SEC14L6: variants seen among roughly 807,000 people sequenced by gnomAD.
SEC14L6 encodes the protein SEC14 like lipid binding 6.
A neutral mutation model predicts 54.1 loss-of-function variants in SEC14L6; 40 were observed. That is an observed-to-expected ratio of 0.74 (90% CI 0.57 to 0.96). The LOEUF (loss-of-function observed/expected upper bound fraction) is 0.96. Ranked by LOEUF, SEC14L6 falls within the 40% of genes least tolerant of loss-of-function variation. The probability of loss-of-function intolerance (pLI) is 0.00; values close to 1 mark genes in which losing one functional copy is unlikely to be tolerated. For missense variants in SEC14L6, 471 were observed against 498.3 expected, an observed-to-expected ratio of 0.95 and a Z score of 0.52; for synonymous variants, 171 against 198.4, an observed-to-expected ratio of 0.86 and a Z score of 1.16.
At chr22:30,544,115 C>G (rs2085772934) in intron 1 of SEC14L6, 2 of 1,348,554 alleles carry the variant, frequency 1.5e-6, no homozygotes, top group South Asian at 2.5e-5. Context: ...GCACCCATCT[C>G]CATGCTCTTC....
At position 30,542,584 on chromosome 22, in the gene SEC14L6, G is replaced by A. The variant is rs987841067; in HGVS notation, c.55-3682C>T. 3.1e-5 allele frequency: 46 copies of A among 1,473,034 alleles called. No individual in the cohort carries two copies. In the Middle Eastern group the frequency reaches 9.6e-4, roughly 31 times the overall value. The allele number at this position is 1,473,034 out of a possible 1,614,324, so 91.2% of individuals were successfully genotyped here. ...CGTAGCCGCGGCCCATGGAGCCCGC[G>A]GGCCGGTCCCCGGCCGCCTCGGGCC... On this transcript the variant is annotated intron_variant, in intron 1 of 11. Transcript: ENST00000402034.
rs1245011414 is a variant in SEC14L6, at chr22:30,525,686, T to G, written c.836A>C (p.Glu279Ala). ...GCCGCGGCCCACGGACCTCGTGTGC[T>G]CATACTGCAGCCTCACCTGCTTGCA... Reference protein sequence around the residue: ...YLCKQVRLQYEHTRSVGRGSS... With the variant: ...YLCKQVRLQYAHTRSVGRGSS... The change falls in exon 10 of 12, where the codon GAG becomes GCG. Residue 279 changes from glutamate (E) to alanine (A), a missense_variant. Coordinates refer to ENST00000402034, the MANE Select transcript of SEC14L6 (RefSeq NM_001193336.4). The G allele has an allele frequency of 6.2e-6, 10 of 1,613,438 alleles. No individual in the cohort carries two copies. In the Admixed American group the frequency reaches 1.7e-4, roughly 27 times the overall value.
Position 30,530,187 on chromosome 22 carries a change from G to C in SEC14L6, c.520-838C>G, listed in dbSNP as rs565317100. ...AGCACTTTGGGAGGCCAAAGTGGGA[G>C]GATCATGAGGTCACGAGTTCGAGAC... On this transcript the variant is annotated intron_variant, in intron 6 of 11. Transcript: ENST00000402034. Among the ~76,000 whole-genome samples the C allele has an allele frequency of 1.5e-4, 23 of 152,060 alleles. No individual in the cohort carries two copies. The East Asian group carries it at 2.5e-3, about 17-fold the overall frequency.
chr22:30,532,213 T>C (rs1046069926), intron 5 of SEC14L6: 4 of 985,328 alleles, frequency 4.1e-6, no homozygotes, highest in Non-Finnish European at 4.8e-6. Flanking sequence ...GCCAAATCGC[T>C]GTGTTGCAGT....
chr22:30,532,863 A>T lies in SEC14L6; in HGVS notation c.175-7T>A. The T allele has an allele frequency of 6.2e-7, 1 of 1,613,028 alleles. No homozygotes were observed. Among genetic ancestry groups the T allele is most frequent in the Non-Finnish European group, 8.5e-7 (1 of 1,179,596 alleles). ...GCTTCCGGAACTCCATATGCTGCAG[A>T]GACACGGCAGGAGGTGGTGAAGATT... On this transcript the variant is annotated splice_region_variant and splice_polypyrimidine_tract_variant and intron_variant, in intron 3 of 11. Coordinates refer to ENST00000402034, the MANE Select transcript of SEC14L6 (RefSeq NM_001193336.4).
intron 2 of SEC14L6, among the ~76,000 whole-genome samples, chr22:30,534,521 C>T (rs1035199118): frequency 4.6e-5 from 7 of 151,774 alleles, no homozygotes; most frequent in African/African-American, 1.5e-4. Context: ...AAGTGATTCT[C>T]CTGCCTCAGT....
chr22:30,529,753 T>C (rs1936908077), intron 6 of SEC14L6, among the ~76,000 whole-genome samples: 1 of 152,190 alleles, frequency 6.6e-6, no homozygotes, highest in Non-Finnish European at 1.5e-5. Flanking sequence ...CTAGTGCCGA[T>C]TCTTGACAGA....
chr22:30,541,094 C>T (rs1050070925), intron 1 of SEC14L6, among the ~76,000 whole-genome samples: 9 of 151,714 alleles, frequency 5.9e-5, no homozygotes, highest in East Asian at 1.9e-4. Flanking sequence ...TAATCAGATG[C>T]GAATTCACAC....
chr22:30,524,889 G>A lies in SEC14L6; in HGVS notation c.*108C>T, dbSNP rs138265090. The stretch of plus-strand genomic sequence containing the variant: ...GATGCATAGGCTGTGACCTGCTGTT[G>A]TAGAATCCCTGTTCCTGAGAGGTTG... On this transcript the variant is annotated 3_prime_UTR_variant, in exon 12 of 12. Coordinates refer to ENST00000402034, the MANE Select transcript of SEC14L6 (RefSeq NM_001193336.4). 94 of 682,360 alleles carry A rather than the reference G, an allele frequency of 1.4e-4. No individual in the cohort carries two copies. The African/African-American group carries it at 1.4e-3, about 11-fold the overall frequency. 42.3% of individuals were successfully genotyped at this position (682,360 alleles called of 1,614,324 possible).
At chr22:30,531,546 G>A (rs1232354753) in intron 6 of SEC14L6, among the ~76,000 whole-genome samples, 2 of 152,146 alleles carry the variant, frequency 1.3e-5, no homozygotes, top group African/African-American at 4.8e-5. Flanking sequence ...TCAACATGGA[G>A]AAACCCCATC....
Position 30,532,561 on chromosome 22 carries a change from C to T in SEC14L6, c.387G>A (p.Glu129=). 1 of 1,550,478 alleles carries T rather than the reference C, an allele frequency of 6.4e-7. No individual in the cohort carries two copies. The highest frequency in any genetic ancestry group is 8.7e-7 in the Non-Finnish European group (1 of 1,146,924). ...ELLRDSFRSC[E]LLLRECELQS... ...GCAGCTCACACTCCCGCAGGAGCAG[C>T]TCGCAGCTCCGGAAGCTGTCCCTGA... Residue 129 remains glutamate, a synonymous_variant, in exon 5 of 12, where the codon GAG becomes GAA. Coordinates refer to ENST00000402034, the MANE Select transcript of SEC14L6 (RefSeq NM_001193336.4).
In SEC14L6 at chr22:30,529,134, T is replaced by A. The variant is rs1336342264; in HGVS notation, c.617A>T (p.Lys206Met). The A allele has an allele frequency of 6.4e-7, 1 of 1,550,718 alleles. No homozygotes were observed. Among genetic ancestry groups the A allele is most frequent in the African/African-American group, 1.4e-5 (1 of 72,882 alleles). The change falls in exon 8 of 12, where the codon AAG becomes ATG. Residue 206 changes from lysine (K) to methionine (M), a missense_variant. Lys to Met is a moderately conservative substitution (Grantham distance 95). Transcript: ENST00000402034. ...KLFAVAFNLVKSYMSEETRRK... is the reference protein window; with the variant it reads ...KLFAVAFNLVMSYMSEETRRK... ...GCGTGTCTCTTCACTCATGTAAGAC[T>A]TGACCAGGTTGAAGGCTACGGCGAA...
intron 1 of SEC14L6, chr22:30,543,065 T>A: frequency 6.3e-7 from 1 of 1,598,766 alleles, no homozygotes; most frequent in South Asian, 1.1e-5. Context: ...GACCACACAG[T>A]GAGCTTCACC....
At chr22:30,528,604 T>G (rs1601879527) in intron 8 of SEC14L6, among the ~76,000 whole-genome samples, 2 of 151,580 alleles carry the variant, frequency 1.3e-5, no homozygotes, top group Admixed American at 1.3e-4. Flanking sequence ...ATTTATTTAT[T>G]GTAGAGACAG....
At position 30,529,121 on chromosome 22, in the gene SEC14L6, A is replaced by T. The variant is rs1178685758; in HGVS notation, c.630T>A (p.Ser210Arg). 23 of 1,550,856 alleles carry T rather than the reference A, an allele frequency of 1.5e-5. No individual in the cohort carries two copies. Among genetic ancestry groups the T allele is most frequent in the Non-Finnish European group, 2.0e-5 (23 of 1,147,080 alleles). Reference protein sequence around the residue: ...VAFNLVKSYMSEETRRKVVIL... With the variant: ...VAFNLVKSYMREETRRKVVIL... The stretch of plus-strand genomic sequence containing the variant: ...TCACCACCTTCCTGCGTGTCTCTTC[A>T]CTCATGTAAGACTTGACCAGGTTGA... The change falls in exon 8 of 12, where the codon AGT (serine) becomes AGA (arginine). Residue 210 changes from serine (S) to arginine (R), a missense_variant. By Grantham distance (110) the Ser-to-Arg change is moderately radical (BLOSUM62 -1). Coordinates refer to ENST00000402034, the MANE Select transcript of SEC14L6 (RefSeq NM_001193336.4).
Position 30,531,900 on chromosome 22 carries a change from C to T in SEC14L6, c.519+3G>A. The T allele has an allele frequency of 6.5e-7, 1 of 1,549,822 alleles. No individual in the cohort carries two copies. Among genetic ancestry groups the T allele is most frequent in the Non-Finnish European group, 8.7e-7 (1 of 1,146,264 alleles). On this transcript the variant is annotated splice_donor_region_variant and intron_variant, in intron 6 of 11. Coordinates refer to ENST00000402034, the MANE Select transcript of SEC14L6 (RefSeq NM_001193336.4). Reference sequence around the variant, plus strand: ...ACCCATGCCCCTGGCGGGGTCACCTCACCTCCTGGAGAAGCTCTATTCCTG... The same window carrying T: ...ACCCATGCCCCTGGCGGGGTCACCTTACCTCCTGGAGAAGCTCTATTCCTG...
rs558818581 is a variant in SEC14L6, at chr22:30,525,517, C to T, written c.914G>A (p.Trp305Ter). ...EILFPGCVLRWQFASDGGDIG... is the reference protein window; with the variant it reads ...EILFPGCVLR ...GTCCCCACCATCTGAAGCAAACTGCCACCTGCAGTGGATAGAGCCCCATTG... is the reference window on the plus strand; with the variant it reads ...GTCCCCACCATCTGAAGCAAACTGCTACCTGCAGTGGATAGAGCCCCATTG... The change falls in exon 11 of 12, where the codon TGG becomes TAG. Residue 305 changes from tryptophan to a stop codon, truncating the protein, a stop_gained and splice_region_variant. Transcript: ENST00000402034. LOFTEE classifies it high-confidence loss of function. 36 of 1,614,044 alleles carry T rather than the reference C, an allele frequency of 2.2e-5. 1 individual carries two copies. The East Asian group carries it at 6.2e-4, about 28-fold the overall frequency.
At chr22:30,543,297 T>C (rs1248886798) in intron 1 of SEC14L6, 5 of 1,577,826 alleles carry the variant, frequency 3.2e-6, no homozygotes, top group Non-Finnish European at 4.4e-6. Context: ...TTCGTGGGAC[T>C]GCCAACTTGT....
chr22:30,546,535 G>C, intron 1 of SEC14L6, 94 bp downstream of exon 1: 2 of 1,176,064 alleles, frequency 1.7e-6, no homozygotes, highest in Non-Finnish European at 2.4e-6. Flanking sequence ...CAGAGCTGGA[G>C]AGTTCAGAAG....
Sources: allele counts gnomAD v4.1 joint callset (sites outside exome capture counted in the v4.1 genomes callset), GRCh38; gene constraint gnomAD v4.1.1; transcripts MANE v1.5; gene names NCBI Gene and HGNC (gene_info 2026-07-23, HGNC 2026-07-21).